Variants in CCBE1 observed in about 807,000 individuals in gnomAD.
The protein encoded by CCBE1 is collagen and calcium-binding EGF domain-containing protein 1.
CCBE1 carries 37 observed loss-of-function variants against 50.0 expected under a neutral mutation model. That is an observed-to-expected ratio of 0.74 (90% CI 0.57 to 0.97). The LOEUF (loss-of-function observed/expected upper bound fraction) is 0.97, where lower values mean the gene tolerates loss of function less well. CCBE1 is among the 50% of genes least tolerant of loss of function. The pLI is 0.00. For synonymous variants in CCBE1, 234 were observed against 203.7 expected, an observed-to-expected ratio of 1.15 and a Z score of -1.27; for missense variants, 538 against 523.8, an observed-to-expected ratio of 1.03 and a Z score of -0.26.
At chr18:59,505,131 T>C (rs1913810062) in intron 2 of CCBE1, among the ~76,000 whole-genome samples, 1 of 152,156 alleles carries the variant, frequency 6.6e-6, no homozygotes, top group Non-Finnish European at 1.5e-5. Context: ...ATGATAAATA[T>C]CTTGATAACA....
chr18:59,662,238 C>A (rs1396491197), intron 2 of CCBE1, among the ~76,000 whole-genome samples: 1 of 152,160 alleles, frequency 6.6e-6, no homozygotes, highest in Non-Finnish European at 1.5e-5. Context: ...GAAGATAGTC[C>A]CATTCTGTGA....
chr18:59,487,784 G>A (rs1401613519), intron 2 of CCBE1, among the ~76,000 whole-genome samples: 2 of 152,134 alleles, frequency 1.3e-5, no homozygotes, highest in African/African-American at 4.8e-5. Context: ...AAACAATATA[G>A]TGACACCTGA....
At chr18:59,480,675 TTG>T (rs1349215016) in intron 2 of CCBE1, among the ~76,000 whole-genome samples, 1 of 152,116 alleles carries the variant, frequency 6.6e-6, no homozygotes, top group Non-Finnish European at 1.5e-5. Context: ...TGATTGTTAA[TTG>T]TAATATAACA....
intron 2 of CCBE1, among the ~76,000 whole-genome samples, chr18:59,598,495 G>T (rs912949300): frequency 2.0e-5 from 3 of 152,362 alleles, no homozygotes; most frequent in African/African-American, 7.2e-5. Flanking sequence ...CAGGTTTGAG[G>T]AATCTGGGAA....
At chr18:59,436,982 A>G (rs1019864308) in intron 10 of CCBE1, among the ~76,000 whole-genome samples, 2 of 152,172 alleles carry the variant, frequency 1.3e-5, no homozygotes, top group African/African-American at 2.4e-5. Flanking sequence ...AAAAAAAACA[A>G]TGCTGTTATT....
At chr18:59,439,849 C>G (rs765253909) in intron 7 of CCBE1, 33 bp from the exon 8 acceptor site, 14 of 1,611,528 alleles carry the variant, frequency 8.7e-6, no homozygotes, top group Admixed American at 5.0e-5. Flanking sequence ...TAGCTCACAG[C>G]ACATGAGAAG....
Position 59,618,730 on chromosome 18 carries a change from GAA to G in CCBE1, c.212+77897_212+77898del, listed in dbSNP as rs1174002246. ...GGCATGAGCCACCACACCCGGCCTA[GAA>G]AAGTTTCTTTGCAGCTAAACCTTGA... On this transcript the variant is annotated intron_variant, in intron 2 of 10. Transcript: ENST00000439986. 4.6e-5 allele frequency among the ~76,000 whole-genome samples: 7 copies of G among 152,202 alleles called. No homozygotes were observed. The East Asian group carries it at 1.4e-3, about 29-fold the overall frequency.
chr18:59,693,400 TC>T (rs753168761), intron 2 of CCBE1, among the ~76,000 whole-genome samples: 1 of 152,196 alleles, frequency 6.6e-6, no homozygotes, highest in Non-Finnish European at 1.5e-5. Context: ...GCTTTTGGTC[TC>T]CCTGAGAGTG....
At chr18:59,459,818 C>CAT (rs112830673) in intron 5 of CCBE1, among the ~76,000 whole-genome samples, 27 of 152,234 alleles carry the variant, frequency 1.8e-4, no homozygotes, top group African/African-American at 6.0e-4. Flanking sequence ...GCACACCACC[C>CAT]GTCTGGGGAT....
At chr18:59,463,677 G>T (rs183350600) in intron 5 of CCBE1, among the ~76,000 whole-genome samples, 1 of 152,206 alleles carries the variant, frequency 6.6e-6, no homozygotes, top group African/African-American at 2.4e-5. Flanking sequence ...TGTGGGCGGG[G>T]CCAGGTCCTA....
intron 2 of CCBE1, among the ~76,000 whole-genome samples, chr18:59,550,945 C>A (rs1915888989): frequency 7.7e-6 from 1 of 129,894 alleles, no homozygotes. Flanking sequence ...GCGGAGCTTG[C>A]ACTGAGCTGA....
chr18:59,583,197 A>T (rs897276898), intron 2 of CCBE1, among the ~76,000 whole-genome samples: 34 of 152,344 alleles, frequency 2.2e-4, no homozygotes, highest in Non-Finnish European at 4.1e-4. Context: ...GGGTTCTCCC[A>T]GTTAAGCACT....
chr18:59,697,581 G>T (rs1444606055), upstream of CCBE1: 1 of 548,140 alleles, frequency 1.8e-6, no homozygotes, highest in South Asian at 2.3e-5. Flanking sequence ...GGGTACCTGC[G>T]GTGTCCGGCT....
chr18:59,490,873 G>A (rs1428602986), intron 2 of CCBE1, among the ~76,000 whole-genome samples: 1 of 152,188 alleles, frequency 6.6e-6, no homozygotes, highest in Non-Finnish European at 1.5e-5. Flanking sequence ...TCCTTTGTAA[G>A]ACATGTTTAA....
At chr18:59,663,939 A>C (rs1371616562) in intron 2 of CCBE1, among the ~76,000 whole-genome samples, 1 of 152,184 alleles carries the variant, frequency 6.6e-6, no homozygotes, top group Non-Finnish European at 1.5e-5. Flanking sequence ...AGGAGAAATA[A>C]GTTCTGCTTC....
At chr18:59,663,104 G>C (rs1383868668) in intron 2 of CCBE1, among the ~76,000 whole-genome samples, 2 of 122,762 alleles carry the variant, frequency 1.6e-5, no homozygotes, top group Non-Finnish European at 3.4e-5. Context: ...ACCAGGCTTG[G>C]TGCTAGGGAT....
At chr18:59,512,823 T>C (rs1357245924) in intron 2 of CCBE1, among the ~76,000 whole-genome samples, 2 of 152,210 alleles carry the variant, frequency 1.3e-5, no homozygotes, top group African/African-American at 2.4e-5. Flanking sequence ...CGGCTCTCAC[T>C]GGAGGGTGAA....
At chr18:59,599,653 T>A (rs1226789746) in intron 2 of CCBE1, among the ~76,000 whole-genome samples, 1 of 152,220 alleles carries the variant, frequency 6.6e-6, no homozygotes, top group Non-Finnish European at 1.5e-5. Flanking sequence ...AGTCTCTTTC[T>A]GACCATGAGA....
At chr18:59,574,667 C>T (rs1220059758) in intron 2 of CCBE1, among the ~76,000 whole-genome samples, 1 of 152,106 alleles carries the variant, frequency 6.6e-6, no homozygotes, top group Non-Finnish European at 1.5e-5. Context: ...AGCAGATTTG[C>T]AGGGATATTC....
Sources: gnomAD v4.1 joint callset for allele counts (sites outside exome capture counted in the v4.1 genomes callset) on GRCh38, gnomAD v4.1.1 for gene constraint, MANE v1.5 for transcripts, NCBI Gene and HGNC (gene_info 2026-07-23, HGNC 2026-07-21) for gene names.